KIAA0825: variants seen among roughly 807,000 people sequenced by gnomAD.
KIAA0825 encodes KIAA0825.
Under a neutral mutation model 147.6 loss-of-function variants are expected in KIAA0825, and 119 were observed. The observed-to-expected ratio is 0.81, with a 90% CI of 0.69 to 0.94. The LOEUF is 0.94. Ranked by LOEUF, KIAA0825 falls within the 40% of genes least tolerant of loss-of-function variation. KIAA0825 has a pLI of 0.00. For synonymous variants in KIAA0825, 470 were observed against 518.1 expected (o/e 0.91, Z 1.26); for missense variants, 1,381 against 1,472.7 (o/e 0.94, Z 1.02).
At chr5:94,184,139 G>T (rs1769908090) in intron 20 of KIAA0825, among the ~76,000 whole-genome samples, 1 of 152,188 alleles carries the variant, frequency 6.6e-6, no homozygotes, top group Non-Finnish European at 1.5e-5. Flanking sequence ...CTGGAGAACT[G>T]CATGCTGTGG....
intron 5 of KIAA0825, among the ~76,000 whole-genome samples, chr5:94,492,598 C>T (rs748578383): frequency 1.3e-5 from 2 of 152,160 alleles, no homozygotes; most frequent in Non-Finnish European, 2.9e-5. Context: ...ATCACAGTGC[C>T]TATATGAATG....
intron 16 of KIAA0825, among the ~76,000 whole-genome samples, chr5:94,401,078 A>T (rs1446916376): frequency 6.6e-6 from 1 of 152,182 alleles, no homozygotes; most frequent in African/African-American, 2.4e-5. Context: ...GTTGAAAAAA[A>T]TTACAGAAGT....
At chr5:94,305,955 C>T (rs1396583601) in intron 20 of KIAA0825, among the ~76,000 whole-genome samples, 1 of 151,772 alleles carries the variant, frequency 6.6e-6, no homozygotes. Context: ...ACACTTAAAA[C>T]TTGTTTAGCT....
At chr5:94,355,343 G>A (rs929306966) in intron 20 of KIAA0825, among the ~76,000 whole-genome samples, 5 of 152,116 alleles carry the variant, frequency 3.3e-5, no homozygotes, top group African/African-American at 7.2e-5. Flanking sequence ...CACAAAGGAC[G>A]GCTTTGCAGG....
At chr5:94,350,964 G>A (rs1783598296) in intron 20 of KIAA0825, among the ~76,000 whole-genome samples, 1 of 149,520 alleles carries the variant, frequency 6.7e-6, no homozygotes, top group Admixed American at 6.7e-5. Flanking sequence ...CTGGCTCACT[G>A]CAACCTCTGC....
At chr5:94,186,630 A>T (rs1174481606) in intron 20 of KIAA0825, among the ~76,000 whole-genome samples, 19 of 152,256 alleles carry the variant, frequency 1.2e-4, no homozygotes. Flanking sequence ...CAAATCCAAT[A>T]TAAGATCTGG....
intron 20 of KIAA0825, among the ~76,000 whole-genome samples, chr5:94,199,999 TTACAGCAC>T (rs1205716645): frequency 5.3e-5 from 8 of 152,094 alleles, no homozygotes; most frequent in Non-Finnish European, 1.0e-4. Context: ...CCTGCAGGCA[TTACAGCAC>T]TATTCTCTCC....
At chr5:94,526,963 G>C (rs961577871) in intron 3 of KIAA0825, among the ~76,000 whole-genome samples, 1 of 151,986 alleles carries the variant, frequency 6.6e-6, no homozygotes, top group African/African-American at 2.4e-5. Flanking sequence ...TTTCCTTGTA[G>C]AAGAGGAGAT....
chr5:94,441,279 G>A (rs1005012417), intron 13 of KIAA0825, among the ~76,000 whole-genome samples: 4 of 152,178 alleles, frequency 2.6e-5, no homozygotes, highest in Non-Finnish European at 4.4e-5. Flanking sequence ...GGCGGGGAGC[G>A]GGGGACAGGG....
chr5:94,549,141 G>A (rs998966350), intron 2 of KIAA0825, among the ~76,000 whole-genome samples: 4 of 152,042 alleles, frequency 2.6e-5, no homozygotes, highest in African/African-American at 9.7e-5. Flanking sequence ...TTTTTTCAGT[G>A]TATTTCGCTC....
At position 94,520,847 on chromosome 5, in the gene KIAA0825, T is replaced by C; in HGVS notation, c.371A>G (p.His124Arg). 1 of 1,612,748 alleles carries C rather than the reference T, an allele frequency of 6.2e-7. No homozygotes were observed. Residue 124 changes from histidine to arginine, a missense_variant, in exon 5 of 21, where the codon CAC becomes CGC. By Grantham distance (29) the His-to-Arg change is conservative (BLOSUM62 0). Transcript: ENST00000682413. ...GGTTGATGGGAATGAAACGCTGCTG[T>C]GGCAGGAGAGGTCCCAAAGTAAATC... ...TLDLLWDLSC[H>R]SSVSFPSTLS...
intron 2 of KIAA0825, chr5:94,570,581 A>C (rs1321407510): frequency 6.6e-6 from 1 of 152,256 alleles, no homozygotes; most frequent in African/African-American, 2.4e-5. Context: ...CTACCCCTTC[A>C]CTACCATCGG....
intron 2 of KIAA0825, among the ~76,000 whole-genome samples, chr5:94,546,875 C>G (rs565202875): frequency 6.8e-6 from 1 of 147,678 alleles, no homozygotes; most frequent in Non-Finnish European, 1.5e-5. Flanking sequence ...CTAAATAAGG[C>G]ACCAGAGACC....
chr5:94,273,901 A>T (rs1777097990), intron 20 of KIAA0825, among the ~76,000 whole-genome samples: 1 of 152,182 alleles, frequency 6.6e-6, no homozygotes, highest in Admixed American at 6.6e-5. Flanking sequence ...AAAGATATAT[A>T]CAAGGAGAAA....
At chr5:94,364,583 T>C (rs997208966) in intron 20 of KIAA0825, among the ~76,000 whole-genome samples, 4 of 151,872 alleles carry the variant, frequency 2.6e-5, no homozygotes, top group African/African-American at 9.7e-5. Flanking sequence ...GGGGTTTCAC[T>C]GTGTTAGCCA....
At chr5:94,425,582 G>C (rs1754751459) in intron 14 of KIAA0825, among the ~76,000 whole-genome samples, 1 of 152,004 alleles carries the variant, frequency 6.6e-6, no homozygotes, top group Non-Finnish European at 1.5e-5. Flanking sequence ...TTGCACTCTA[G>C]CCTAGGCAAC....
chr5:94,512,635 C>G (rs1281148816), intron 5 of KIAA0825, among the ~76,000 whole-genome samples: 1 of 149,008 alleles, frequency 6.7e-6, no homozygotes, highest in East Asian at 2.0e-4. Context: ...GTGGCTCATG[C>G]GTAATCCCAG....
intron 20 of KIAA0825, among the ~76,000 whole-genome samples, chr5:94,176,408 A>C (rs899820229): frequency 6.6e-6 from 1 of 152,128 alleles, no homozygotes; most frequent in Non-Finnish European, 1.5e-5. Context: ...TTTTCTTTGT[A>C]AATTACCCAG....
At chr5:94,501,080 G>T (rs1434224555) in intron 5 of KIAA0825, among the ~76,000 whole-genome samples, 1 of 152,070 alleles carries the variant, frequency 6.6e-6, no homozygotes, top group Non-Finnish European at 1.5e-5. Context: ...ATTTTAAATG[G>T]AAAAAAATTA....
Sources: gnomAD v4.1 joint callset for allele counts (sites outside exome capture counted in the v4.1 genomes callset) on GRCh38, gnomAD v4.1.1 for gene constraint, MANE v1.5 for transcripts, NCBI Gene and HGNC (gene_info 2026-07-23, HGNC 2026-07-21) for gene names.